SMG1: variants seen among roughly 807,000 people sequenced by gnomAD.
SMG1 encodes the protein serine/threonine-protein kinase SMG1.
SMG1 carries 22 observed loss-of-function variants against 419.9 expected under a neutral mutation model. The ratio of observed to expected loss-of-function variants is 0.05; its 90% confidence interval spans 0.04 to 0.07. The LOEUF (loss-of-function observed/expected upper bound fraction) is 0.07, where lower values mean the gene tolerates loss of function less well. Ranked by LOEUF, SMG1 falls within the 10% of genes least tolerant of loss-of-function variation. The pLI is 1.00. For synonymous variants in SMG1, 1,538 were observed against 1,553.5 expected, an observed-to-expected ratio of 0.99 and a Z score of 0.23; for missense variants, 3,185 against 4,342.0, an observed-to-expected ratio of 0.73 and a Z score of 7.49.
chr16:18,812,561 T>C (rs934608490), intron 60 of SMG1, among the ~76,000 whole-genome samples: 15 of 150,930 alleles, frequency 9.9e-5, no homozygotes, highest in East Asian at 7.8e-4. Context: ...TATATATATA[T>C]ACATATATAT....
At chr16:18,883,651 G>A (rs1471106106) in intron 9 of SMG1, among the ~76,000 whole-genome samples, 3 of 152,214 alleles carry the variant, frequency 2.0e-5, no homozygotes, top group African/African-American at 7.2e-5. Flanking sequence ...GGGCACGGGG[G>A]CTCACGCCTA....
chr16:18,910,003 G>GAA (rs368962179), intron 1 of SMG1, among the ~76,000 whole-genome samples: 6 of 142,188 alleles, frequency 4.2e-5, no homozygotes, highest in African/African-American at 1.3e-4. Context: ...CCTTTTACAA[G>GAA]AAAAAAAAAA....
chr16:18,884,232 A>G, intron 8 of SMG1, 65 bp from the exon 9 acceptor site: 1 of 762,636 alleles, frequency 1.3e-6, no homozygotes, highest in East Asian at 2.7e-5. Context: ...ATCCAAATTA[A>G]AAAAAAATAA....
intron 57 of SMG1, 51 bp from the exon 58 acceptor site, chr16:18,816,580 G>A (rs2032020704): frequency 6.8e-7 from 1 of 1,462,460 alleles, no homozygotes; most frequent in Admixed American, 1.9e-5. Context: ...GAAATAATGA[G>A]TTCTTTCTTC....
At chr16:18,848,237 T>C (rs1208847437) in intron 36 of SMG1, among the ~76,000 whole-genome samples, 3 of 152,136 alleles carry the variant, frequency 2.0e-5, no homozygotes, top group African/African-American at 2.4e-5. Context: ...TATAAGCTAA[T>C]GGAAGATACA....
rs1472430803 is a variant in SMG1, at chr16:18,807,290, TAAAG to T, written c.*2275_*2278del. The T allele has an allele frequency of 3.3e-5, 5 of 152,162 alleles. No homozygotes were observed. Among genetic ancestry groups the T allele is most frequent in the African/African-American group, 9.7e-5 (4 of 41,434 alleles). The allele number at this position is 152,162 out of a possible 1,614,324, so 9.4% of individuals were successfully genotyped here. A position where few individuals can be genotyped will look rare whatever the true frequency, so the allele number is the denominator to read the frequency against. On this transcript the variant is annotated 3_prime_UTR_variant, in exon 63 of 63. Coordinates refer to ENST00000446231, the MANE Select transcript of SMG1 (RefSeq NM_015092.5). ...TAAAAGTTTTTCCTTATGATGACAA[TAAAG>T]AATGTTGCTGAAAGACTTTAATCTT...
chr16:18,854,998 T>C (rs949695579), intron 29 of SMG1, 94 bp from the exon 30 acceptor site: 31 of 1,176,544 alleles, frequency 2.6e-5, no homozygotes, highest in Non-Finnish European at 3.5e-5. Flanking sequence ...CTATCCCTCT[T>C]CTGCACCACC....
rs1168758940 is a variant in SMG1 at position 18,870,897 on chromosome 16, C to G, written c.2303-9G>C. The G allele has an allele frequency of 2.2e-6, 3 of 1,344,838 alleles. No individual in the cohort carries two copies. Among genetic ancestry groups the G allele is most frequent in the Non-Finnish European group, 2.1e-6 (2 of 970,814 alleles). 83.3% of individuals were successfully genotyped at this position (1,344,838 alleles called of 1,614,324 possible). ...CACATCTTCAACGAGAGCTATTAAA[C>G]ATTAAAAGACAGTTACTTTCAGCTG... is the stretch of plus-strand genomic sequence containing the variant. On this transcript the variant is annotated splice_polypyrimidine_tract_variant and intron_variant, in intron 16 of 62. Transcript: ENST00000446231.
At chr16:18,924,076 T>C (rs2038298198) in intron 1 of SMG1, among the ~76,000 whole-genome samples, 1 of 152,174 alleles carries the variant, frequency 6.6e-6, no homozygotes, top group Admixed American at 6.5e-5. Context: ...TATCACAGTA[T>C]CGTCTACCAA....
At chr16:18,813,491 T>A (rs1407797033) in intron 60 of SMG1, among the ~76,000 whole-genome samples, 1 of 152,254 alleles carries the variant, frequency 6.6e-6, no homozygotes. Context: ...TCTGTTTATA[T>A]CCTTCGCCCA....
chr16:18,831,451 A>T (rs949148878), intron 51 of SMG1, among the ~76,000 whole-genome samples: 2 of 152,188 alleles, frequency 1.3e-5, no homozygotes, highest in African/African-American at 4.8e-5. Context: ...GGGAACCCAG[A>T]TAAGATATTA....
At chr16:18,920,993 C>T (rs2038175342) in intron 1 of SMG1, among the ~76,000 whole-genome samples, 2 of 151,976 alleles carry the variant, frequency 1.3e-5, no homozygotes, top group African/African-American at 4.8e-5. Flanking sequence ...CAAAAATTAG[C>T]CGGGCATAGT....
rs1287164626 is a variant in SMG1 at position 18,849,995 on chromosome 16, C to T, written c.5415G>A (p.Gln1805=). 6.2e-7 allele frequency: 1 copy of T among 1,613,880 alleles called. No homozygotes were observed. Among genetic ancestry groups the T allele is most frequent in the Non-Finnish European group, 8.5e-7 (1 of 1,179,898 alleles). Reference sequence around the variant, plus strand: ...TTGTCTCCAAGCCGTGCTCCAGATACTGCCGAAGCTCACCAGCATGCTTCA... The same window carrying T: ...TTGTCTCCAAGCCGTGCTCCAGATATTGCCGAAGCTCACCAGCATGCTTCA... ...LLVKHAGELR[Q]YLEHGLETTP... The change falls in exon 35 of 63, where the codon CAG becomes CAA. Residue 1805 remains glutamine, a synonymous_variant. Coordinates refer to ENST00000446231, the MANE Select transcript of SMG1 (RefSeq NM_015092.5).
chr16:18,896,342 T>A (rs2037126369), intron 2 of SMG1, 135 bp from the exon 3 acceptor site: 2 of 754,062 alleles, frequency 2.7e-6, no homozygotes, highest in Non-Finnish European at 4.7e-6. Context: ...TCCTGTACTG[T>A]CTGCCTTGAA....
intron 24 of SMG1, 30 bp downstream of exon 24, chr16:18,863,972 T>G: frequency 6.4e-7 from 1 of 1,550,762 alleles, no homozygotes; most frequent in Non-Finnish European, 8.7e-7. Context: ...ACTATAACTT[T>G]TGCTTTATTT....
intron 56 of SMG1, among the ~76,000 whole-genome samples, chr16:18,818,818 C>CTTTT (rs35000007): frequency 6.1e-5 from 8 of 131,646 alleles, no homozygotes; most frequent in African/African-American, 1.7e-4. Flanking sequence ...GCACAAGGTC[C>CTTTT]TTTTTTTTTT....
intron 7 of SMG1, 130 bp downstream of exon 7, chr16:18,885,411 C>G: frequency 8.2e-7 from 1 of 1,216,978 alleles, no homozygotes; most frequent in South Asian, 1.2e-5. Context: ...GTATTTAACC[C>G]TGGAACCTCA....
chr16:18,873,984 A>T (rs757335580), intron 13 of SMG1, among the ~76,000 whole-genome samples: 21 of 152,380 alleles, frequency 1.4e-4, no homozygotes, highest in Non-Finnish European at 2.4e-4. Flanking sequence ...TGTGACTTCA[A>T]ACATAAGCTG....
At chr16:18,820,348 G>A (rs2032413129) in intron 55 of SMG1, among the ~76,000 whole-genome samples, 1 of 151,950 alleles carries the variant, frequency 6.6e-6, no homozygotes, top group Non-Finnish European at 1.5e-5. Context: ...GACAAGAGGT[G>A]CGTGCCACCA....
Sources: gnomAD v4.1 joint callset for allele counts (sites outside exome capture counted in the v4.1 genomes callset) on GRCh38, gnomAD v4.1.1 for gene constraint, MANE v1.5 for transcripts, NCBI Gene and HGNC (gene_info 2026-07-23, HGNC 2026-07-21) for gene names.